The following NUDC variants were observed in gnomAD, a reference collection of about 807,000 sequenced individuals.
NUDC encodes the protein nuclear distribution C, dynein complex regulator.
In NUDC, 14 loss-of-function variants were observed where a neutral mutation model predicts 45.0. The ratio of observed to expected loss-of-function variants is 0.31; its 90% CI spans 0.21 to 0.49. NUDC has a LOEUF of 0.49. Ranked by LOEUF, NUDC falls within the 20% of genes least tolerant of loss-of-function variation. The pLI, the probability that NUDC is intolerant of heterozygous loss-of-function variation, is 0.99. For missense variants in NUDC, 323 were observed against 426.2 expected, an observed-to-expected ratio of 0.76 and a Z score of 2.13; for synonymous variants, 153 against 156.7, an observed-to-expected ratio of 0.98 and a Z score of 0.17.
upstream of NUDC, among the ~76,000 whole-genome samples, chr1:26,921,205 CA>C (rs2082088673): frequency 6.6e-6 from 1 of 152,064 alleles, no homozygotes; most frequent in Non-Finnish European, 1.5e-5. Flanking sequence ...CTCCTTATTC[CA>C]AAATTATTAA....
chr1:26,942,310 C>T (rs1180611435), intron 4 of NUDC, among the ~76,000 whole-genome samples: 1 of 152,032 alleles, frequency 6.6e-6, no homozygotes, highest in South Asian at 2.1e-4. Context: ...AAATAAAAAC[C>T]GACTGACCTT....
intron 3 of NUDC, among the ~76,000 whole-genome samples, chr1:26,915,201 GC>G (rs1270623486): frequency 6.6e-6 from 1 of 151,898 alleles, no homozygotes; most frequent in African/African-American, 2.4e-5. Context: ...AAAGTGACTT[GC>G]CCAAGGTCAT....
At chr1:26,909,459 A>G (rs903827222) in intron 2 of NUDC, among the ~76,000 whole-genome samples, 4 of 152,142 alleles carry the variant, frequency 2.6e-5, no homozygotes, top group Non-Finnish European at 5.9e-5. Flanking sequence ...GGATGATGGA[A>G]AAAATTAAAT....
chr1:26,913,015 G>C (rs2082037436), intron 3 of NUDC, among the ~76,000 whole-genome samples: 1 of 152,198 alleles, frequency 6.6e-6, no homozygotes, highest in African/African-American at 2.4e-5. Context: ...AAGCACGGTG[G>C]CTCACGCCTG....
chr1:26,941,294 C>T (rs778063276), intron 2 of NUDC, among the ~76,000 whole-genome samples, 163 bp from the exon 3 acceptor site: 5 of 151,954 alleles, frequency 3.3e-5, no homozygotes, highest in Non-Finnish European at 7.4e-5. Flanking sequence ...TCATTACAAC[C>T]CTATGAGATA....
Position 26,945,563 on chromosome 1 carries a change from C to T in NUDC, c.826-5C>T. 1.2e-6 allele frequency: 2 copies of T among 1,613,588 alleles called. No homozygotes were observed. Among genetic ancestry groups the T allele is most frequent in the Non-Finnish European group, 1.7e-6 (2 of 1,179,480 alleles). The stretch of plus-strand genomic sequence containing the variant: ...TCACCGATTCCTGTCACTGCCTGCC[C>T]TCAGCTGTCAGACCTGGACAGTGAG... On this transcript the variant is annotated splice_polypyrimidine_tract_variant and splice_region_variant and intron_variant, in intron 7 of 8. Coordinates refer to ENST00000321265, the MANE Select transcript of NUDC (RefSeq NM_006600.4).
At position 26,944,679 on chromosome 1, in the gene NUDC, G is replaced by C. The variant is rs562791435; in HGVS notation, c.742-711G>C. 2.6e-5 allele frequency among the ~76,000 whole-genome samples: 4 copies of C among 152,110 alleles called. No individual in the cohort carries two copies. In the South Asian group the frequency reaches 8.3e-4, roughly 32 times the overall value. On this transcript the variant is annotated intron_variant, in intron 6 of 8. Transcript: ENST00000321265. Reference sequence around the variant, plus strand: ...TAGCTGGGCATGGTGGTGGGCGCCTGTAATCCCAGCTACTTGGGAGTCTGA... The same window carrying C: ...TAGCTGGGCATGGTGGTGGGCGCCTCTAATCCCAGCTACTTGGGAGTCTGA...
intron 3 of NUDC, among the ~76,000 whole-genome samples, chr1:26,915,406 C>T (rs773807512): frequency 7.2e-5 from 11 of 152,156 alleles, no homozygotes; most frequent in Admixed American, 6.6e-4. Flanking sequence ...TCTGCTGCCA[C>T]GTGGCTCCTC....
At chr1:26,938,110 G>A (rs2082249031) in intron 2 of NUDC, among the ~76,000 whole-genome samples, 1 of 152,162 alleles carries the variant, frequency 6.6e-6, no homozygotes, top group South Asian at 2.1e-4. Context: ...CCCCACCCTG[G>A]TTGGCTGTGG....
chr1:26,942,846 T>C, intron 5 of NUDC, 25 bp from the exon 6 acceptor site: 1 of 1,613,956 alleles, frequency 6.2e-7, no homozygotes, highest in Non-Finnish European at 8.5e-7. Context: ...TAGTGGCCTC[T>C]TCTGACTGCC....
intron 1 of NUDC, among the ~76,000 whole-genome samples, chr1:26,923,797 C>G (rs2082109733): frequency 6.6e-6 from 1 of 152,072 alleles, no homozygotes. Flanking sequence ...GAGAGGAAAG[C>G]TGGGCCCAGG....
intron 2 of NUDC, among the ~76,000 whole-genome samples, chr1:26,938,546 G>T (rs188569847): frequency 1.8e-4 from 27 of 152,202 alleles, no homozygotes; most frequent in Non-Finnish European, 3.7e-4. Flanking sequence ...TGTGGTTTAG[G>T]GGGTACGTTT....
intron 2 of NUDC, among the ~76,000 whole-genome samples, chr1:26,931,220 GGCGT>G (rs2082180640): frequency 6.7e-6 from 1 of 148,962 alleles, no homozygotes; most frequent in Non-Finnish European, 1.5e-5. Context: ...TGGGATTACA[GGCGT>G]GTGCCACCAC....
rs375202977 is a variant in NUDC at position 26,912,145 on chromosome 1, C to G, written c.93+910C>G. The G allele has an allele frequency of 1.3e-4, 214 of 1,602,628 alleles. No homozygotes were observed. In the African/African-American group the frequency reaches 2.7e-3, roughly 20 times the overall value. On this transcript the variant is annotated intron_variant, in intron 3 of 6. Transcript: ENST00000435827. Reference sequence around the variant, plus strand: ...CACCCTACTCCCAGCCACCAAAGGACAAGACTGGCCCAAGATCTGGGCCAT... The same window carrying G: ...CACCCTACTCCCAGCCACCAAAGGAGAAGACTGGCCCAAGATCTGGGCCAT...
chr1:26,945,213 T>G lies in NUDC; in HGVS notation c.742-177T>G, dbSNP rs757569529. 3.1e-5 allele frequency: 20 copies of G among 652,036 alleles called. 1 individual carries two copies. The highest frequency in any genetic ancestry group is 4.1e-4 in the Middle Eastern group (1 of 2,460). 40.4% of individuals were successfully genotyped at this position (652,036 alleles called of 1,614,324 possible). A position where few individuals can be genotyped will look rare whatever the true frequency, so the allele number is the denominator to read the frequency against. On this transcript the variant is annotated intron_variant, in intron 6 of 8. Coordinates refer to ENST00000321265, the MANE Select transcript of NUDC (RefSeq NM_006600.4). Reference sequence around the variant, plus strand: ...ACACTGATTTGTAACTCTTTGCCTCTGTGTCTCCCCTAGCTGCAGGAAGGG... The same window carrying G: ...ACACTGATTTGTAACTCTTTGCCTCGGTGTCTCCCCTAGCTGCAGGAAGGG...
chr1:26,926,758 G>T (rs1429739932), intron 2 of NUDC, among the ~76,000 whole-genome samples: 2 of 152,010 alleles, frequency 1.3e-5, no homozygotes, highest in African/African-American at 4.8e-5. Context: ...GCACCACCAT[G>T]CCTGGCTAAT....
In NUDC at chr1:26,922,044, C is replaced by T. The variant is rs978560306; in HGVS notation, c.81+115C>T. On this transcript the variant is annotated intron_variant, in intron 1 of 8. Transcript: ENST00000321265. ...GCGGCTCGCGGGCTTCTGGGATGCCCCTACATTCTCACTGCGCCCAGCTTC... is the reference window on the plus strand; with the variant it reads ...GCGGCTCGCGGGCTTCTGGGATGCCTCTACATTCTCACTGCGCCCAGCTTC... 26 of 1,079,148 alleles carry T rather than the reference C, an allele frequency of 2.4e-5. 1 individual carries two copies. In the South Asian group the frequency reaches 3.2e-4, roughly 13 times the overall value. 66.8% of individuals were successfully genotyped at this position (1,079,148 alleles called of 1,614,324 possible).
At chr1:26,907,147 C>T (rs547354958) in intron 2 of NUDC, among the ~76,000 whole-genome samples, 3 of 152,206 alleles carry the variant, frequency 2.0e-5, no homozygotes, top group Admixed American at 6.5e-5. Context: ...AACTAAGCAC[C>T]TCTTGCTCTC....
chr1:26,913,845 G>A (rs778747105), intron 3 of NUDC: 15 of 1,509,350 alleles, frequency 9.9e-6, no homozygotes, highest in Non-Finnish European at 1.3e-5. Context: ...GGGGTCGGGG[G>A]ACAGCCTTGA....
Sources: allele counts gnomAD v4.1 joint callset (sites outside exome capture counted in the v4.1 genomes callset), GRCh38; gene constraint gnomAD v4.1.1; transcripts MANE v1.5; gene names NCBI Gene and HGNC (gene_info 2026-07-23, HGNC 2026-07-21).